Variants in NBN observed in about 807,000 individuals in gnomAD.
The protein encoded by NBN is Nijmegen breakage syndrome 1 (nibrin).
In NBN, 88 loss-of-function variants were observed where a neutral mutation model predicts 90.8. The observed-to-expected ratio is 0.97, with a 90% confidence interval of 0.82 to 1.16. The LOEUF (loss-of-function observed/expected upper bound fraction) is 1.16, where lower values mean the gene tolerates loss of function less well. Ranked by LOEUF, NBN falls within the 50% of genes most tolerant of loss-of-function variation. The pLI is 0.00. For missense variants in NBN, 894 were observed against 869.6 expected, an observed-to-expected ratio of 1.03 and a Z score of -0.35; for synonymous variants, 328 against 295.1, an observed-to-expected ratio of 1.11 and a Z score of -1.14.
rs2129647276 is a variant in NBN at position 89,946,204 on chromosome 8, G to C, written c.2006C>G (p.Ser669Cys). 6.2e-7 allele frequency: 1 copy of C among 1,601,470 alleles called. No individual in the cohort carries two copies. Among genetic ancestry groups the C allele is most frequent in the Non-Finnish European group, 8.6e-7 (1 of 1,169,030 alleles). ...ATCATTTATGCCAGATGGATTTCTG[G>C]AAGTAGAGTTTTTAATCACCAGTGA... ...FRSLVIKNST[S>C]RNPSGINDDY... Residue 669 changes from serine to cysteine, a missense_variant, in exon 13 of 16, where the codon TCC (serine) becomes TGC (cysteine). Transcript: ENST00000265433.
At chr8:89,957,409 T>C (rs1810774484) in intron 9 of NBN, among the ~76,000 whole-genome samples, 1 of 152,260 alleles carries the variant, frequency 6.6e-6, no homozygotes, top group Non-Finnish European at 1.5e-5. Flanking sequence ...ATGTTTTAAA[T>C]GTTTTAAGCT....
At position 89,933,414 on chromosome 8, in the gene NBN, T is replaced by C; in HGVS notation, c.*2168A>G. ...GCTACAGTAATTCAAGGCAGTATGG[T>C]ATGAGTGAGTGCAAGGATGGACAAA... On this transcript the variant is annotated 3_prime_UTR_variant, in exon 16 of 16. Transcript: ENST00000265433. The C allele has an allele frequency of 4.4e-6, 1 of 227,504 alleles. No individual in the cohort carries two copies. Among genetic ancestry groups the C allele is most frequent in the Non-Finnish European group, 8.7e-6 (1 of 114,592 alleles). The allele number at this position is 227,504 out of a possible 1,614,324, so 14.1% of individuals were successfully genotyped here. A position where few individuals can be genotyped will look rare whatever the true frequency, so the allele number is the denominator to read the frequency against.
At chr8:89,973,255 A>T (rs927173531) in intron 5 of NBN, among the ~76,000 whole-genome samples, 1 of 152,264 alleles carries the variant, frequency 6.6e-6, no homozygotes, top group African/African-American at 2.4e-5. Flanking sequence ...TACAAAATAT[A>T]AATAAAAATT....
rs540868733 is a variant in NBN, at chr8:89,984,519, C to G, written c.37+6G>C. 18 of 1,612,602 alleles carry G rather than the reference C, an allele frequency of 1.1e-5. No individual in the cohort carries two copies. The highest frequency in any genetic ancestry group is 1.7e-5 in the Admixed American group (1 of 60,000). On this transcript the variant is annotated splice_donor_region_variant and intron_variant, in intron 1 of 15. Coordinates refer to ENST00000265433, the MANE Select transcript of NBN (RefSeq NM_002485.5). ...ATAGGCCCCGAGGCTTCCCTTCTGC[C>G]CTTACCTCCTGCCGGGCCCGCGGCG...
intron 14 of NBN, among the ~76,000 whole-genome samples, chr8:89,939,929 G>A (rs976248485): frequency 6.6e-6 from 1 of 152,238 alleles, no homozygotes; most frequent in East Asian, 1.9e-4. Context: ...GCTAGCCCAA[G>A]CTGCACACAG....
At position 89,982,846 on chromosome 8, in the gene NBN, T is replaced by C. The variant is rs864622726; in HGVS notation, c.47A>G (p.Tyr16Cys). ...GTACTCAACGCCAGTCAAAAGTCTG[T>C]ATGGTTCTCCTGAGATAAATTTTTT... The part of the protein sequence containing the change: ...PAAGPAGGEP[Y>C]RLLTGVEYVV... The change falls in exon 2 of 16, where the codon TAC becomes TGC. Residue 16 changes from tyrosine (Y) to cysteine (C), a missense_variant. Tyr to Cys is a radical substitution (Grantham distance 194). Coordinates refer to ENST00000265433, the MANE Select transcript of NBN (RefSeq NM_002485.5). 4 of 1,613,576 alleles carry C rather than the reference T, an allele frequency of 2.5e-6. No individual in the cohort carries two copies. The highest frequency in any genetic ancestry group is 1.7e-4 in the Middle Eastern group (1 of 6,056).
At chr8:89,972,990 A>G (rs928447681) in intron 5 of NBN, among the ~76,000 whole-genome samples, 2 of 152,214 alleles carry the variant, frequency 1.3e-5, no homozygotes, top group African/African-American at 4.8e-5. Flanking sequence ...GTAGCCAGGG[A>G]GCAGCTAACT....
At position 89,970,444 on chromosome 8, in the gene NBN, A is replaced by G. The variant is rs1811457608; in HGVS notation, c.816T>C (p.Asp272=). The part of the protein sequence containing the change: ...FFLAPGTCVV[D]TGITNSQTLI... ...AGGTCTGTGAGTTTGTTATTCCTGT[A>G]TCAACAACACACGTTCCCGGAGCCA... is the stretch of plus-strand genomic sequence containing the variant. The change falls in exon 7 of 16, where the codon GAT becomes GAC. Residue 272 remains aspartate, a synonymous_variant. Transcript: ENST00000265433. 6.2e-7 allele frequency: 1 copy of G among 1,614,022 alleles called. No individual in the cohort carries two copies.
At chr8:89,947,711 TA>T (rs1810258807) in intron 12 of NBN, 112 bp downstream of exon 12, 3 of 649,094 alleles carry the variant, frequency 4.6e-6, no homozygotes, top group South Asian at 3.5e-5. Flanking sequence ...AATCATGAAG[TA>T]AGCCATAATT....
At chr8:89,978,461 AAAG>A in intron 4 of NBN, 138 bp from the exon 5 acceptor site, 1 of 666,878 alleles carries the variant, frequency 1.5e-6, no homozygotes, top group East Asian at 2.9e-5. Flanking sequence ...CTAAATTTAT[AAAG>A]AAGCCACAAT....
chr8:89,958,957 C>T (rs1810865900), intron 8 of NBN, 103 bp from the exon 9 acceptor site: 1 of 1,418,500 alleles, frequency 7.0e-7, no homozygotes, highest in African/African-American at 1.4e-5. Flanking sequence ...AGGGGATTAA[C>T]TAGGGAATAC....
chr8:89,960,682 A>G (rs971602438), intron 8 of NBN, among the ~76,000 whole-genome samples: 16 of 152,128 alleles, frequency 1.1e-4, no homozygotes, highest in South Asian at 2.1e-4. Context: ...TAATGACCCA[A>G]AATAACTGGT....
intron 8 of NBN, among the ~76,000 whole-genome samples, chr8:89,961,908 AG>A (rs1252744629): frequency 2.0e-5 from 3 of 152,228 alleles, no homozygotes; most frequent in Non-Finnish European, 2.9e-5. Context: ...AAGGATGTAG[AG>A]GGTTCAAACA....
Position 89,935,601 on chromosome 8 carries a change from T to A in NBN, c.2246A>T (p.Tyr749Phe), listed in dbSNP as rs864622446. Residue 749 changes from tyrosine (Y) to phenylalanine (F), a missense_variant, in exon 16 of 16, where the codon TAT becomes TTT. Tyr to Phe is a conservative substitution (Grantham distance 22, BLOSUM62 3). Transcript: ENST00000265433. ...LADDLFRYNP[Y>F]LKRRR ...CCTCAGTTATCTTCTCCTTTTTAAA[T>A]AAGGATTGTATCTGCAAAGAAAGAA... 8 of 1,608,644 alleles carry A rather than the reference T, an allele frequency of 5.0e-6. No homozygotes were observed. The highest frequency in any genetic ancestry group is 6.8e-6 in the Non-Finnish European group (8 of 1,175,836).
At position 89,955,396 on chromosome 8, in the gene NBN, G is replaced by A. The variant is rs1586058745; in HGVS notation, c.1284C>T (p.Asn428=). 6.2e-7 allele frequency: 1 copy of A among 1,613,758 alleles called. No individual in the cohort carries two copies. The highest frequency in any genetic ancestry group is 1.1e-5 in the South Asian group (1 of 91,072). The part of the protein sequence containing the change: ...SNTLAKMRIP[N]YQLSPTKLPS... Reference sequence around the variant, plus strand: ...GCAATTTAGTTGGTGAAAGCTGATAGTTTGGGATTCTCATCTTAGCCAAAG... The same window carrying A: ...GCAATTTAGTTGGTGAAAGCTGATAATTTGGGATTCTCATCTTAGCCAAAG... Residue 428 remains asparagine (N), a synonymous_variant, in exon 10 of 16, where the codon AAC becomes AAT. Transcript: ENST00000265433.
At position 89,970,456 on chromosome 8, in the gene NBN, C is replaced by T. The variant is rs141443872; in HGVS notation, c.804G>A (p.Thr268=). Residue 268 remains threonine, a synonymous_variant, in exon 7 of 16, where the codon ACG becomes ACA. Coordinates refer to ENST00000265433, the MANE Select transcript of NBN (RefSeq NM_002485.5). ...TTGTTATTCCTGTATCAACAACACA[C>T]GTTCCCGGAGCCAAAAAGAAATTAT... ...EEHNFFLAPG[T]CVVDTGITNS... 76 of 1,614,002 alleles carry T rather than the reference C, an allele frequency of 4.7e-5. No homozygotes were observed. The highest frequency in any genetic ancestry group is 4.7e-4 in the African/African-American group (35 of 75,036).
intron 11 of NBN, among the ~76,000 whole-genome samples, chr8:89,952,979 A>G (rs529122293): frequency 2.0e-5 from 3 of 152,290 alleles, no homozygotes; most frequent in Non-Finnish European, 4.4e-5. Context: ...ATCATAGCCA[A>G]ATGTCTTTTA....
At chr8:89,968,280 C>A (rs1811345848) in intron 7 of NBN, among the ~76,000 whole-genome samples, 5 of 152,022 alleles carry the variant, frequency 3.3e-5, no homozygotes, top group Admixed American at 3.3e-4. Context: ...ACCCAAAAAA[C>A]CATATTGTAA....
At chr8:89,966,189 C>T (rs1421366261) in intron 7 of NBN, among the ~76,000 whole-genome samples, 1 of 152,148 alleles carries the variant, frequency 6.6e-6, no homozygotes, top group African/African-American at 2.4e-5. Context: ...TTCTGTTCAA[C>T]ACTGCTCTGG....
Sources: gnomAD v4.1 joint callset for allele counts (sites outside exome capture counted in the v4.1 genomes callset) on GRCh38, gnomAD v4.1.1 for gene constraint, MANE v1.5 for transcripts, NCBI Gene and HGNC (gene_info 2026-07-23, HGNC 2026-07-21) for gene names.